The following RAB38 variants were observed in gnomAD, a reference collection of about 807,000 sequenced individuals.
RAB38 encodes the protein RAB38, member RAS oncogene family.
RAB38 carries 15 observed loss-of-function variants against 18.4 expected under a neutral mutation model. The observed-to-expected ratio is 0.82, with a 90% CI of 0.55 to 1.26. The LOEUF (loss-of-function observed/expected upper bound fraction) is 1.26. Among genes scored for constraint, RAB38 ranks in the 50% most tolerant of loss-of-function variants. RAB38 has a pLI of 0.00. For missense variants in RAB38, 294 were observed against 267.4 expected (o/e 1.10, Z -0.69); for synonymous variants, 101 against 104.4 (o/e 0.97, Z 0.20).
intron 2 of RAB38, among the ~76,000 whole-genome samples, chr11:88,126,992 GCAAA>G (rs1293186569): frequency 6.6e-6 from 1 of 152,186 alleles, no homozygotes; most frequent in Non-Finnish European, 1.5e-5. Context: ...GACTGGAGGG[GCAAA>G]CAAACTTCTT....
intron 2 of RAB38, among the ~76,000 whole-genome samples, chr11:88,144,852 T>C (rs777464405): frequency 2.6e-5 from 4 of 152,146 alleles, no homozygotes; most frequent in Non-Finnish European, 5.9e-5. Context: ...CACTATTGCA[T>C]AGGTACAACT....
chr11:87,910,628 A>ATTTTTTTTTTTTTT, the RAB38 span, among the ~76,000 whole-genome samples: 1 of 74,192 alleles, frequency 1.3e-5, no homozygotes, highest in African/African-American at 6.0e-5. Context: ...TTCAAAGTTC[A>ATTTTTTTTTTTTTT]TTTTCTTTTT....
At chr11:87,851,550 T>C in the RAB38 span, among the ~76,000 whole-genome samples, 1 of 152,172 alleles carries the variant, frequency 6.6e-6, no homozygotes, top group African/African-American at 2.4e-5. Context: ...AATTCTACTT[T>C]TTCCCCAGCT....
At chr11:88,153,228 G>C (rs182752988) in intron 1 of RAB38, among the ~76,000 whole-genome samples, 4 of 152,280 alleles carry the variant, frequency 2.6e-5, no homozygotes, top group South Asian at 2.1e-4. Context: ...ACTTGGTGTG[G>C]CTGATCTCAA....
At chr11:87,943,616 G>A in the RAB38 span, among the ~76,000 whole-genome samples, 1 of 152,288 alleles carries the variant, frequency 6.6e-6, no homozygotes, top group Admixed American at 6.5e-5. Flanking sequence ...TTTATTGGGA[G>A]TTTGTGTAGT....
the RAB38 span, among the ~76,000 whole-genome samples, chr11:88,064,977 T>A: frequency 6.6e-6 from 1 of 152,220 alleles, no homozygotes; most frequent in African/African-American, 2.4e-5. Flanking sequence ...GATCTGTATC[T>A]GGAAAAAGAT....
At chr11:87,941,645 A>C in the RAB38 span, among the ~76,000 whole-genome samples, 1 of 152,144 alleles carries the variant, frequency 6.6e-6, no homozygotes, top group Non-Finnish European at 1.5e-5. Flanking sequence ...AGGCATGGAC[A>C]CTTCTGAAAT....
chr11:87,874,297 T>G, the RAB38 span, among the ~76,000 whole-genome samples: 1 of 151,378 alleles, frequency 6.6e-6, no homozygotes, highest in East Asian at 2.0e-4. Context: ...AACAATAAAG[T>G]GAAGAGAAAA....
At chr11:88,009,535 G>A in the RAB38 span, among the ~76,000 whole-genome samples, 1 of 152,110 alleles carries the variant, frequency 6.6e-6, no homozygotes, top group Non-Finnish European at 1.5e-5. Flanking sequence ...AACCACTTAA[G>A]ATTGTAACAT....
the RAB38 span, among the ~76,000 whole-genome samples, chr11:88,007,288 C>G: frequency 6.6e-6 from 1 of 151,744 alleles, no homozygotes; most frequent in Non-Finnish European, 1.5e-5. Flanking sequence ...ATTAATTTTT[C>G]TCATTCTGTC....
chr11:88,090,672 G>A, the RAB38 span, among the ~76,000 whole-genome samples: 17 of 152,034 alleles, frequency 1.1e-4, no homozygotes, highest in African/African-American at 3.6e-4. Context: ...CCTAGGGTGG[G>A]CCCACAGTTC....
chr11:88,110,293 G>C (rs1174276195), downstream of RAB38, among the ~76,000 whole-genome samples: 1 of 151,968 alleles, frequency 6.6e-6, no homozygotes, highest in African/African-American at 2.4e-5. Context: ...AACACTGCAT[G>C]TTCTCACTCA....
the RAB38 span, among the ~76,000 whole-genome samples, chr11:88,093,478 G>T: frequency 2.0e-5 from 2 of 97,814 alleles, no homozygotes; most frequent in African/African-American, 8.5e-5. Flanking sequence ...ACATCGAATT[G>T]TATAGTTTGA....
chr11:88,026,954 T>C, the RAB38 span, among the ~76,000 whole-genome samples: 3 of 152,194 alleles, frequency 2.0e-5, no homozygotes, highest in Admixed American at 1.3e-4. Flanking sequence ...ATACTCATTT[T>C]TCAGTTCAAT....
At chr11:88,065,633 T>C in the RAB38 span, among the ~76,000 whole-genome samples, 2 of 152,360 alleles carry the variant, frequency 1.3e-5, no homozygotes, top group Non-Finnish European at 2.9e-5. Context: ...ATGGGACGTA[T>C]GTCCTCGGAC....
the RAB38 span, among the ~76,000 whole-genome samples, chr11:88,059,887 C>A: frequency 6.6e-6 from 1 of 152,210 alleles, no homozygotes; most frequent in African/African-American, 2.4e-5. Context: ...CATTTTCCTG[C>A]CCACTGTCCT....
chr11:87,951,355 C>T, the RAB38 span, among the ~76,000 whole-genome samples: 15 of 152,028 alleles, frequency 9.9e-5, no homozygotes, highest in Admixed American at 2.6e-4. Context: ...TCCTGTAGCT[C>T]GGAGTAGTTT....
At chr11:87,939,522 GT>G in the RAB38 span, among the ~76,000 whole-genome samples, 27 of 151,940 alleles carry the variant, frequency 1.8e-4, no homozygotes, top group Non-Finnish European at 2.9e-4. Context: ...GGCATACTTT[GT>G]CCTTCTCAAA....
At chr11:87,927,788 G>A in the RAB38 span, among the ~76,000 whole-genome samples, 5 of 151,850 alleles carry the variant, frequency 3.3e-5, no homozygotes, top group South Asian at 2.1e-4. Flanking sequence ...GGCTATTGGC[G>A]GAGCAAGATG....
Sources: allele counts gnomAD v4.1 joint callset (sites outside exome capture counted in the v4.1 genomes callset), GRCh38; gene constraint gnomAD v4.1.1; transcripts MANE v1.5; gene names NCBI Gene and HGNC (gene_info 2026-07-23, HGNC 2026-07-21).